The following CNTNAP2 variants were observed in gnomAD, a reference collection of about 807,000 sequenced individuals.
CNTNAP2 encodes the protein contactin associated protein 2.
CNTNAP2 carries 98 observed loss-of-function variants against 155.2 expected under a neutral mutation model. That is an observed-to-expected ratio of 0.63 (90% CI 0.54 to 0.75). CNTNAP2 has a LOEUF of 0.75. Among genes scored for constraint, CNTNAP2 ranks in the 30% least tolerant of loss-of-function variants. CNTNAP2 has a pLI of 0.00. For synonymous variants in CNTNAP2, 651 were observed against 631.2 expected (o/e 1.03, Z -0.47); for missense variants, 1,727 against 1,688.1 (o/e 1.02, Z -0.40).
At chr7:147,385,330 C>T (rs997076162) in intron 9 of CNTNAP2, among the ~76,000 whole-genome samples, 4 of 152,226 alleles carry the variant, frequency 2.6e-5, no homozygotes, top group African/African-American at 2.4e-5. Flanking sequence ...CAACAGTCCC[C>T]CAAAGTCTTA....
intron 13 of CNTNAP2, among the ~76,000 whole-genome samples, chr7:147,886,610 G>T (rs1384999691): frequency 6.6e-6 from 1 of 150,698 alleles, no homozygotes; most frequent in Non-Finnish European, 1.5e-5. Flanking sequence ...GGTGCTACTG[G>T]CATTTGAGGT....
At chr7:146,965,100 A>G (rs1170364407) in intron 3 of CNTNAP2, among the ~76,000 whole-genome samples, 2 of 152,234 alleles carry the variant, frequency 1.3e-5, no homozygotes, top group African/African-American at 4.8e-5. Flanking sequence ...AAGGTGCATG[A>G]TAAGAGTCAT....
intron 1 of CNTNAP2, among the ~76,000 whole-genome samples, chr7:146,623,422 GCC>G (rs1482048031): frequency 1.3e-5 from 2 of 151,940 alleles, no homozygotes; most frequent in African/African-American, 4.8e-5. Context: ...CCTGTGCTTT[GCC>G]CACTCAACTC....
chr7:147,938,728 G>A (rs1800661602), intron 14 of CNTNAP2, among the ~76,000 whole-genome samples: 2 of 152,046 alleles, frequency 1.3e-5, no homozygotes, highest in African/African-American at 4.8e-5. Flanking sequence ...GAAAAAGTAG[G>A]TCTCATGTGA....
intron 1 of CNTNAP2, among the ~76,000 whole-genome samples, chr7:146,766,753 G>A (rs148520896): frequency 4.6e-5 from 7 of 152,198 alleles, no homozygotes; most frequent in South Asian, 2.1e-4. Flanking sequence ...CAATTGATTC[G>A]TTGATTGTGG....
intron 1 of CNTNAP2, among the ~76,000 whole-genome samples, chr7:146,647,471 C>G (rs1265335995): frequency 6.6e-6 from 1 of 152,116 alleles, no homozygotes; most frequent in African/African-American, 2.4e-5. Flanking sequence ...ATTCAAACTT[C>G]TCTTGTTTGT....
intron 4 of CNTNAP2, chr7:147,097,736 T>A (rs1384301578): frequency 1.3e-5 from 2 of 152,210 alleles, no homozygotes; most frequent in Non-Finnish European, 2.9e-5. Context: ...GGATAGCGCA[T>A]AGAAATTTTG....
At chr7:146,712,290 A>ATATCTTATGTATACTATATAGTATACT in intron 1 of CNTNAP2, among the ~76,000 whole-genome samples, 1 of 125,950 alleles carries the variant, frequency 7.9e-6, no homozygotes, top group Non-Finnish European at 1.7e-5. Flanking sequence ...ATATGTATAC[A>ATATCTTATGTATACTATATAGTATACT]TATCTTATGT....
At chr7:146,420,290 C>T (rs569371861) in intron 1 of CNTNAP2, among the ~76,000 whole-genome samples, 1 of 152,102 alleles carries the variant, frequency 6.6e-6, no homozygotes, top group South Asian at 2.1e-4. Flanking sequence ...CTTGAATAAA[C>T]TTATTCTTTG....
At chr7:147,020,094 G>A (rs1473408090) in intron 3 of CNTNAP2, among the ~76,000 whole-genome samples, 1 of 151,982 alleles carries the variant, frequency 6.6e-6, no homozygotes, top group African/African-American at 2.4e-5. Context: ...TAGTATAGAT[G>A]AAATACATAA....
intron 13 of CNTNAP2, among the ~76,000 whole-genome samples, chr7:147,840,286 T>G (rs1355491762): frequency 2.0e-5 from 3 of 152,130 alleles, no homozygotes; most frequent in Non-Finnish European, 2.9e-5. Flanking sequence ...ATAACAATAC[T>G]GCACTTTTAC....
chr7:147,658,491 A>G (rs944043695), intron 13 of CNTNAP2, among the ~76,000 whole-genome samples: 1 of 152,204 alleles, frequency 6.6e-6, no homozygotes, highest in African/African-American at 2.4e-5. Context: ...TGGGTAAGGT[A>G]TATGGAGAGC....
chr7:147,888,431 T>C (rs554764635), intron 13 of CNTNAP2, among the ~76,000 whole-genome samples: 34 of 152,040 alleles, frequency 2.2e-4, no homozygotes, highest in Admixed American at 2.6e-4. Context: ...TTGTCAAATA[T>C]GAAAAATAAA....
At chr7:146,465,291 A>T (rs547127093) in intron 1 of CNTNAP2, among the ~76,000 whole-genome samples, 5 of 152,244 alleles carry the variant, frequency 3.3e-5, no homozygotes, top group African/African-American at 1.2e-4. Flanking sequence ...GTTTTTTTAA[A>T]GGGATTAAAA....
chr7:147,782,119 T>G (rs1473671920), intron 13 of CNTNAP2, among the ~76,000 whole-genome samples: 2 of 152,042 alleles, frequency 1.3e-5, no homozygotes, highest in African/African-American at 4.8e-5. Flanking sequence ...AGTGCGTGTC[T>G]AATACCCAAT....
At chr7:146,731,372 T>C (rs577969626) in intron 1 of CNTNAP2, among the ~76,000 whole-genome samples, 2 of 151,750 alleles carry the variant, frequency 1.3e-5, no homozygotes, top group Admixed American at 1.3e-4. Context: ...ATTTATTATT[T>C]ATTATTTTAT....
chr7:147,703,006 A>G (rs969957428), intron 13 of CNTNAP2, among the ~76,000 whole-genome samples: 6 of 151,744 alleles, frequency 4.0e-5, no homozygotes, highest in Non-Finnish European at 8.8e-5. Flanking sequence ...CTTGTTATTT[A>G]CATTGTTCAA....
rs1310378180 is a variant in CNTNAP2 at position 147,395,736 on chromosome 7, A to T, written c.1626A>T (p.Gly542=). The T allele has an allele frequency of 1.2e-6, 2 of 1,612,516 alleles. No homozygotes were observed. Among genetic ancestry groups the T allele is most frequent in the Non-Finnish European group, 8.5e-7 (1 of 1,178,858 alleles). The change falls in exon 10 of 24, where the codon GGA becomes GGT. Residue 542 remains glycine (G), a synonymous_variant. Coordinates refer to ENST00000361727, the MANE Select transcript of CNTNAP2 (RefSeq NM_014141.6). ...ACGAAGTGGCACAAAGGAAGCCGGGAAGTTTCGCGAATGTCAGCATTGACA... is the reference window on the plus strand; with the variant it reads ...ACGAAGTGGCACAAAGGAAGCCGGGTAGTTTCGCGAATGTCAGCATTGACA... ...NLYEVAQRKP[G]SFANVSIDMC...
chr7:147,328,348 G>A (rs755586430), intron 9 of CNTNAP2, among the ~76,000 whole-genome samples: 5 of 152,200 alleles, frequency 3.3e-5, no homozygotes, highest in Non-Finnish European at 5.9e-5. Context: ...CATACATTCT[G>A]TGAATTCAAC....
Sources: gnomAD v4.1 joint callset for allele counts (sites outside exome capture counted in the v4.1 genomes callset) on GRCh38, gnomAD v4.1.1 for gene constraint, MANE v1.5 for transcripts, NCBI Gene and HGNC (gene_info 2026-07-23, HGNC 2026-07-21) for gene names.